RSPO3: variants seen among roughly 807,000 people sequenced by gnomAD.
RSPO3 encodes R-spondin 3.
Under a neutral mutation model 36.5 loss-of-function variants are expected in RSPO3, and 17 were observed. That is an observed-to-expected ratio of 0.47 (90% CI 0.32 to 0.70). The LOEUF (loss-of-function observed/expected upper bound fraction) is 0.70. Ranked by LOEUF, RSPO3 falls within the 30% of genes least tolerant of loss-of-function variation. The pLI, the probability that RSPO3 is intolerant of heterozygous loss-of-function variation, is 0.04. For missense variants in RSPO3, 294 were observed against 322.5 expected, an observed-to-expected ratio of 0.91 and a Z score of 0.68; for synonymous variants, 108 against 107.0, an observed-to-expected ratio of 1.01 and a Z score of -0.06.
chr6:127,134,024 T>C (rs1414970919), intron 1 of RSPO3, among the ~76,000 whole-genome samples: 1 of 152,178 alleles, frequency 6.6e-6, no homozygotes, highest in Non-Finnish European at 1.5e-5. Context: ...TTTGTTTAAA[T>C]AGCGTTGGAA....
Position 127,197,743 on chromosome 6 carries a change from G to C in RSPO3, c.*1736G>C, listed in dbSNP as rs1775544752. ...TTCCACTTCTCTCTTCCTCTTCTAA[G>C]ATATAAACATTTTAAATGATTTATT... On this transcript the variant is annotated 3_prime_UTR_variant, in exon 5 of 5. Transcript: ENST00000356698. 1 of 470,106 alleles carries C rather than the reference G, an allele frequency of 2.1e-6. No homozygotes were observed. 29.1% of individuals were successfully genotyped at this position (470,106 alleles called of 1,614,324 possible). A position where few individuals can be genotyped will look rare whatever the true frequency, so the allele number is the denominator to read the frequency against.
chr6:127,155,210 A>G, intron 3 of RSPO3, 31 bp from the exon 4 acceptor site: 4 of 1,607,070 alleles, frequency 2.5e-6, no homozygotes, highest in Non-Finnish European at 3.4e-6. Flanking sequence ...GTTGTAAGCC[A>G]GCTGAGTCTG....
intron 1 of RSPO3, among the ~76,000 whole-genome samples, chr6:127,127,101 T>C (rs1389726788): frequency 6.6e-6 from 1 of 152,110 alleles, no homozygotes; most frequent in African/African-American, 2.4e-5. Context: ...AGCACATTCC[T>C]GACAGTAAGT....
chr6:127,145,034 T>C (rs542386425), intron 1 of RSPO3, among the ~76,000 whole-genome samples: 1 of 152,280 alleles, frequency 6.6e-6, no homozygotes, highest in African/African-American at 2.4e-5. Flanking sequence ...TCTCTGGATA[T>C]TTCATAAAAT....
At chr6:127,130,994 T>C (rs1379711631) in intron 1 of RSPO3, among the ~76,000 whole-genome samples, 1 of 152,052 alleles carries the variant, frequency 6.6e-6, no homozygotes, top group African/African-American at 2.4e-5. Flanking sequence ...CCACAAAGAC[T>C]GAATATAATT....
intron 4 of RSPO3, among the ~76,000 whole-genome samples, chr6:127,169,356 G>C (rs970659934): frequency 2.0e-5 from 3 of 151,854 alleles, no homozygotes; most frequent in Admixed American, 2.0e-4. Flanking sequence ...ATAGGTGACA[G>C]TTGTGTGCCA....
At chr6:127,143,114 T>A (rs933487806) in intron 1 of RSPO3, among the ~76,000 whole-genome samples, 10 of 152,084 alleles carry the variant, frequency 6.6e-5, no homozygotes, top group Admixed American at 3.3e-4. Flanking sequence ...TATCATTTTT[T>A]AAAAAAATAG....
At chr6:127,125,241 C>A (rs2114537612) in intron 1 of RSPO3, among the ~76,000 whole-genome samples, 1 of 152,210 alleles carries the variant, frequency 6.6e-6, no homozygotes, top group Non-Finnish European at 1.5e-5. Context: ...AACATCTAAT[C>A]TACTCTTCAA....
In RSPO3 at chr6:127,122,004, T is replaced by G. The variant is rs568666220; in HGVS notation, c.97+2715T>G. On this transcript the variant is annotated intron_variant, in intron 1 of 4. Transcript: ENST00000356698. The stretch of plus-strand genomic sequence containing the variant: ...GGTGTTAAAAACTTCTACAAAAAAT[T>G]TAATGGTCTCTCTTGATTTAGTAGG... Among the ~76,000 whole-genome samples, 90 of 152,286 alleles carry G rather than the reference T, an allele frequency of 5.9e-4. 1 individual carries two copies. Among genetic ancestry groups the G allele is most frequent in the African/African-American group, 2.0e-3 (82 of 41,558 alleles).
intron 1 of RSPO3, among the ~76,000 whole-genome samples, chr6:127,145,600 C>G (rs1774368810): frequency 6.6e-6 from 1 of 152,160 alleles, no homozygotes; most frequent in African/African-American, 2.4e-5. Context: ...TCCTTCCCAG[C>G]TTGGGTCACT....
At chr6:127,152,895 G>C (rs1306240934) in intron 3 of RSPO3, among the ~76,000 whole-genome samples, 1 of 152,080 alleles carries the variant, frequency 6.6e-6, no homozygotes, top group Non-Finnish European at 1.5e-5. Context: ...GAAACACAGA[G>C]AGAATATATC....
chr6:127,155,477 CAT>C (rs1472348410), intron 4 of RSPO3, 39 bp downstream of exon 4: 1 of 1,560,568 alleles, frequency 6.4e-7, no homozygotes, highest in South Asian at 1.1e-5. Flanking sequence ...TTTGAATCCT[CAT>C]AATCTGTTGC....
At chr6:127,183,907 C>G (rs1340963036) in intron 4 of RSPO3, among the ~76,000 whole-genome samples, 2 of 151,906 alleles carry the variant, frequency 1.3e-5, no homozygotes, top group African/African-American at 2.4e-5. Flanking sequence ...ACTCACAGTT[C>G]AGCATGGCCT....
At chr6:127,138,575 T>C (rs1208692649) in intron 1 of RSPO3, among the ~76,000 whole-genome samples, 1 of 152,156 alleles carries the variant, frequency 6.6e-6, no homozygotes, top group South Asian at 2.1e-4. Context: ...CAAAGTGTCT[T>C]ATACCTATGA....
intron 1 of RSPO3, among the ~76,000 whole-genome samples, chr6:127,125,707 GAATT>G (rs528293327): frequency 1.4e-4 from 22 of 152,210 alleles, no homozygotes; most frequent in African/African-American, 3.9e-4. Context: ...TGTGGATAAT[GAATT>G]AATTATGATA....
intron 4 of RSPO3, among the ~76,000 whole-genome samples, chr6:127,180,054 T>C (rs776053565): frequency 2.6e-5 from 4 of 151,892 alleles, no homozygotes; most frequent in Non-Finnish European, 4.4e-5. Flanking sequence ...TGGAAGTTCA[T>C]AATTTCATGG....
At chr6:127,124,885 G>T (rs1773910651) in intron 1 of RSPO3, among the ~76,000 whole-genome samples, 1 of 152,064 alleles carries the variant, frequency 6.6e-6, no homozygotes. Context: ...CTGTGGGGGT[G>T]CTGAGAATGC....
chr6:127,147,954 C>A (rs1199704968), intron 1 of RSPO3, among the ~76,000 whole-genome samples: 1 of 152,044 alleles, frequency 6.6e-6, no homozygotes, highest in Non-Finnish European at 1.5e-5. Context: ...ACATTTTCAC[C>A]ATTATATCTA....
chr6:127,178,634 A>C (rs1203380521), intron 4 of RSPO3, among the ~76,000 whole-genome samples: 2 of 151,818 alleles, frequency 1.3e-5, no homozygotes, highest in African/African-American at 4.8e-5. Flanking sequence ...ATCAATAAAA[A>C]TATGTGTATA....
Sources: gnomAD v4.1 joint callset for allele counts (sites outside exome capture counted in the v4.1 genomes callset) on GRCh38, gnomAD v4.1.1 for gene constraint, MANE v1.5 for transcripts, NCBI Gene and HGNC (gene_info 2026-07-23, HGNC 2026-07-21) for gene names.